SPIRE1: variants seen among roughly 807,000 people sequenced by gnomAD.
The protein encoded by SPIRE1 is spire type actin nucleation factor 1.
A neutral mutation model predicts 94.1 loss-of-function variants in SPIRE1; 40 were observed. The observed-to-expected ratio is 0.43, with a 90% CI of 0.33 to 0.55. The LOEUF (loss-of-function observed/expected upper bound fraction) is 0.55. SPIRE1 is among the 20% of genes least tolerant of loss of function. The pLI, the probability that SPIRE1 is intolerant of heterozygous loss-of-function variation, is 0.06. For synonymous variants in SPIRE1, 376 were observed against 371.7 expected (o/e 1.01, Z -0.13); for missense variants, 838 against 975.2 (o/e 0.86, Z 1.87).
rs2031058971 is a variant in SPIRE1, at chr18:12,448,575, G to T, written c.*1063C>A. 6.6e-6 allele frequency: 1 copy of T among 152,174 alleles called. No homozygotes were observed. Among genetic ancestry groups the T allele is most frequent in the African/African-American group, 2.4e-5 (1 of 41,430 alleles). The allele number at this position is 152,174 out of a possible 1,614,324, so 9.4% of individuals were successfully genotyped here. ...GTGCAGAAAGCACCCCAAAAATGTT[G>T]CCTGTCAGCAGGTTAATTTTCTTCT... On this transcript the variant is annotated 3_prime_UTR_variant, in exon 17 of 17. Coordinates refer to ENST00000409402, the MANE Select transcript of SPIRE1 (RefSeq NM_001128626.2). This position sits in a 1 kb window ranked among gnomAD's most constrained non-coding sequence, Gnocchi z 4.4.
At chr18:12,473,902 A>G (rs908388665) in intron 10 of SPIRE1, among the ~76,000 whole-genome samples, 1 of 152,238 alleles carries the variant, frequency 6.6e-6, no homozygotes, top group Non-Finnish European at 1.5e-5. Context: ...AGCACAGCTG[A>G]TATTGTGGAA....
chr18:12,626,406 G>A (rs1480835857), intron 2 of SPIRE1, among the ~76,000 whole-genome samples: 1 of 152,116 alleles, frequency 6.6e-6, no homozygotes, highest in East Asian at 1.9e-4. Context: ...TGAGTAATTT[G>A]GAATCAGACT....
chr18:12,661,327 T>C (rs2038692338), upstream of SPIRE1: 3 of 979,546 alleles, frequency 3.1e-6, no homozygotes, highest in South Asian at 1.4e-4. Flanking sequence ...AGAAAAAAAA[T>C]TGATAAGCCT....
At chr18:12,475,485 T>C (rs1449789242) in intron 10 of SPIRE1, among the ~76,000 whole-genome samples, 1 of 151,956 alleles carries the variant, frequency 6.6e-6, no homozygotes, top group Non-Finnish European at 1.5e-5. Context: ...TCAATAAATA[T>C]TTGAATGGAA....
intron 10 of SPIRE1, among the ~76,000 whole-genome samples, chr18:12,474,205 G>A (rs190559315): frequency 6.6e-6 from 1 of 152,240 alleles, no homozygotes; most frequent in African/African-American, 2.4e-5. Flanking sequence ...CCTCTTCAAG[G>A]GGAAATTCTG....
At chr18:12,636,742 A>G (rs2037939414) in intron 1 of SPIRE1, among the ~76,000 whole-genome samples, 1 of 152,152 alleles carries the variant, frequency 6.6e-6, no homozygotes, top group Non-Finnish European at 1.5e-5. Flanking sequence ...TAAGTATAAG[A>G]CTGTTATTTT....
intron 6 of SPIRE1, among the ~76,000 whole-genome samples, chr18:12,497,897 C>T (rs1013216363): frequency 2.6e-5 from 4 of 152,148 alleles, no homozygotes; most frequent in Admixed American, 6.5e-5. Flanking sequence ...CAACCCTATA[C>T]GTTCCATTCC....
intron 2 of SPIRE1, among the ~76,000 whole-genome samples, chr18:12,625,921 T>A (rs2037608738): frequency 6.6e-6 from 1 of 152,044 alleles, no homozygotes; most frequent in Non-Finnish European, 1.5e-5. Context: ...CGGCTGCCTG[T>A]AATCCCAGCT....
intron 16 of SPIRE1, chr18:12,450,994 T>G (rs2031210641): frequency 1.7e-6 from 1 of 580,538 alleles, no homozygotes; most frequent in Non-Finnish European, 3.1e-6. Flanking sequence ...AAGAGGAAGA[T>G]GAAGATGAAC....
At chr18:12,511,597 A>G (rs1334826758) in intron 5 of SPIRE1, among the ~76,000 whole-genome samples, 1 of 152,230 alleles carries the variant, frequency 6.6e-6, no homozygotes, top group Non-Finnish European at 1.5e-5. Flanking sequence ...CAATTCTCAG[A>G]GACATTGGGG....
intron 12 of SPIRE1, among the ~76,000 whole-genome samples, chr18:12,459,024 G>T (rs1192923003): frequency 6.6e-6 from 1 of 152,172 alleles, no homozygotes; most frequent in East Asian, 1.9e-4. Context: ...TAGCACAAAG[G>T]CTGCTCTGAG....
intron 4 of SPIRE1, among the ~76,000 whole-genome samples, chr18:12,525,680 C>A (rs1341468308): frequency 6.6e-6 from 1 of 152,106 alleles, no homozygotes; most frequent in African/African-American, 2.4e-5. Flanking sequence ...TGCTTCCTCG[C>A]TCACACCAGC....
At chr18:12,469,979 T>C (rs2032286314) in intron 10 of SPIRE1, among the ~76,000 whole-genome samples, 1 of 152,088 alleles carries the variant, frequency 6.6e-6, no homozygotes, top group Admixed American at 6.6e-5. Context: ...TCTCACTCTG[T>C]TGCCCAGGCT....
intron 1 of SPIRE1, among the ~76,000 whole-genome samples, chr18:12,644,936 T>C (rs2038182166): frequency 6.6e-6 from 1 of 152,086 alleles, no homozygotes; most frequent in South Asian, 2.1e-4. Flanking sequence ...TTACTTCCAT[T>C]TTACAAATAA....
intron 4 of SPIRE1, among the ~76,000 whole-genome samples, chr18:12,527,840 G>A (rs2034567795): frequency 1.3e-5 from 2 of 152,160 alleles, no homozygotes; most frequent in African/African-American, 4.8e-5. Flanking sequence ...GCCGAGGTGG[G>A]TGGATCACGA....
chr18:12,607,087 T>C (rs1417082523), intron 2 of SPIRE1, among the ~76,000 whole-genome samples: 1 of 152,222 alleles, frequency 6.6e-6, no homozygotes, highest in African/African-American at 2.4e-5. Context: ...ACTCACAGAC[T>C]GTTTTACAGA....
At chr18:12,525,641 A>G (rs530756588) in intron 4 of SPIRE1, among the ~76,000 whole-genome samples, 6 of 152,132 alleles carry the variant, frequency 3.9e-5, no homozygotes, top group Non-Finnish European at 8.8e-5. Flanking sequence ...CCATGTGTAT[A>G]GAACTTCGTG....
intron 1 of SPIRE1, among the ~76,000 whole-genome samples, chr18:12,639,750 A>C (rs1244294126): frequency 6.6e-6 from 1 of 151,548 alleles, no homozygotes; most frequent in Non-Finnish European, 1.5e-5. Context: ...TAAATAAATA[A>C]ATAAAAATAA....
At position 12,598,036 on chromosome 18, in the gene SPIRE1, A is replaced by AGCTT. The variant is rs200519970; in HGVS notation, c.372+37022_372+37025dup. On this transcript the variant is annotated intron_variant, in intron 2 of 16. Transcript: ENST00000409402. Reference sequence around the variant, plus strand: ...ACTTTGGATTTTTATACAAGAGACTAGCTTGAGTCACTAACCAGAGGGCAC... The same window carrying AGCTT: ...ACTTTGGATTTTTATACAAGAGACTAGCTTGCTTGAGTCACTAACCAGAGGGCAC... Among the ~76,000 whole-genome samples the AGCTT allele has an allele frequency of 9.4e-3, 1,436 of 152,348 alleles. 30 individuals carry two copies. Among genetic ancestry groups the AGCTT allele is most frequent in the African/African-American group, 0.032 (1,324 of 41,572 alleles).
Sources: allele counts gnomAD v4.1 joint callset (sites outside exome capture counted in the v4.1 genomes callset), GRCh38; gene constraint gnomAD v4.1.1; non-coding constraint Gnocchi (gnomAD v3.1); transcripts MANE v1.5; gene names NCBI Gene and HGNC (gene_info 2026-07-23, HGNC 2026-07-21).